The following GRM7 variants were observed in gnomAD, a reference collection of about 807,000 sequenced individuals.
The protein encoded by GRM7 is metabotropic glutamate receptor 7.
A neutral mutation model predicts 84.5 loss-of-function variants in GRM7; 35 were observed. The observed-to-expected ratio is 0.41, with a 90% confidence interval of 0.32 to 0.55. The LOEUF (loss-of-function observed/expected upper bound fraction) is 0.55. Ranked by LOEUF, GRM7 falls within the 20% of genes least tolerant of loss-of-function variation. GRM7 has a pLI of 0.19. For missense variants in GRM7, 1,003 were observed against 1,194.6 expected, an observed-to-expected ratio of 0.84 and a Z score of 2.36; for synonymous variants, 487 against 455.1, an observed-to-expected ratio of 1.07 and a Z score of -0.89.
chr3:6,945,489 T>A (rs1698037735), intron 1 of GRM7, among the ~76,000 whole-genome samples: 1 of 152,134 alleles, frequency 6.6e-6, no homozygotes, highest in South Asian at 2.1e-4. Flanking sequence ...TGGTTCCAAG[T>A]CTTTGCTCTT....
intron 6 of GRM7, among the ~76,000 whole-genome samples, chr3:7,460,292 C>T (rs1486278803): frequency 6.6e-6 from 1 of 152,062 alleles, no homozygotes; most frequent in Non-Finnish European, 1.5e-5. Context: ...CCAGACTTAA[C>T]AATGCTTTCA....
intron 7 of GRM7, among the ~76,000 whole-genome samples, chr3:7,543,904 G>A (rs758393221): frequency 3.3e-5 from 5 of 152,172 alleles, no homozygotes; most frequent in Non-Finnish European, 7.3e-5. Context: ...AGCTGAGTCT[G>A]AGCGTACTCC....
chr3:7,484,546 T>A (rs1699251454), intron 7 of GRM7, among the ~76,000 whole-genome samples: 1 of 152,132 alleles, frequency 6.6e-6, no homozygotes, highest in African/African-American at 2.4e-5. Context: ...AACCCCTGAT[T>A]GTAAAGATAA....
chr3:7,566,103 GTTTTTTTTTTTTTTTTT>G (rs58178956), intron 7 of GRM7, among the ~76,000 whole-genome samples: 1 of 130,024 alleles, frequency 7.7e-6, no homozygotes, highest in East Asian at 2.1e-4. Flanking sequence ...TGAATCAGCT[GTTTTTTTTTTTTTTTTT>G]TTTTTTTTTT....
intron 1 of GRM7, among the ~76,000 whole-genome samples, chr3:7,081,190 T>C (rs967581751): frequency 6.6e-6 from 1 of 152,074 alleles, no homozygotes; most frequent in East Asian, 1.9e-4. Flanking sequence ...TCAGATACTG[T>C]TTTTTATAAA....
chr3:7,189,815 G>A (rs1237131207), intron 2 of GRM7, among the ~76,000 whole-genome samples: 1 of 152,020 alleles, frequency 6.6e-6, no homozygotes, highest in East Asian at 1.9e-4. Flanking sequence ...CAAACATAAA[G>A]CATCATAGAG....
intron 7 of GRM7, among the ~76,000 whole-genome samples, chr3:7,464,486 A>G (rs758343930): frequency 4.6e-5 from 7 of 152,162 alleles, no homozygotes; most frequent in Non-Finnish European, 4.4e-5. Context: ...CATTACAAAG[A>G]GAGATAAGAG....
intron 2 of GRM7, among the ~76,000 whole-genome samples, chr3:7,172,758 A>G (rs1180524511): frequency 2.0e-5 from 3 of 152,086 alleles, no homozygotes; most frequent in Non-Finnish European, 4.4e-5. Flanking sequence ...CAGTGGTCCC[A>G]TGAAACTGAA....
chr3:7,385,945 A>C lies in GRM7; in HGVS notation c.1034-29078A>C, dbSNP rs557833874. Among the ~76,000 whole-genome samples, 5 of 152,344 alleles carry C rather than the reference A, an allele frequency of 3.3e-5. No homozygotes were observed. In the South Asian group the frequency reaches 1.0e-3, roughly 32 times the overall value. The stretch of plus-strand genomic sequence containing the variant: ...TAGGAATGATGCTTCATACTGAAAC[A>C]AAGTGTTGACCAAGAGATGCAAAGC... On this transcript the variant is annotated intron_variant, in intron 4 of 9. Coordinates refer to ENST00000357716, the MANE Select transcript of GRM7 (RefSeq NM_000844.4).
rs550048246 is a variant in GRM7, at chr3:7,061,694, G to C, written c.520-84758G>C. ...CTGGGTACCAGATAGGATAAGCAAGGACTGACAGGAGAGTAAGAACAGAAG... is the reference window on the plus strand; with the variant it reads ...CTGGGTACCAGATAGGATAAGCAAGCACTGACAGGAGAGTAAGAACAGAAG... On this transcript the variant is annotated intron_variant, in intron 1 of 9. Coordinates refer to ENST00000357716, the MANE Select transcript of GRM7 (RefSeq NM_000844.4). Among the ~76,000 whole-genome samples the C allele has an allele frequency of 2.6e-5, 4 of 151,760 alleles. No individual in the cohort carries two copies. The South Asian group carries it at 8.3e-4, about 31-fold the overall frequency.
chr3:7,079,639 T>C (rs2124995522), intron 1 of GRM7, among the ~76,000 whole-genome samples: 1 of 152,042 alleles, frequency 6.6e-6, no homozygotes, highest in East Asian at 1.9e-4. Context: ...AGGACTGGAG[T>C]GGGCAGAATA....
chr3:7,697,982 T>C (rs1701082725), intron 9 of GRM7, among the ~76,000 whole-genome samples: 1 of 152,204 alleles, frequency 6.6e-6, no homozygotes, highest in African/African-American at 2.4e-5. Context: ...ATATTAAGTC[T>C]GAAAAGAAAG....
intron 2 of GRM7, among the ~76,000 whole-genome samples, chr3:7,164,683 A>G (rs751062823): frequency 3.9e-5 from 6 of 152,250 alleles, no homozygotes; most frequent in African/African-American, 4.8e-5. Flanking sequence ...ACTAATCTAA[A>G]TATAAAGTAA....
At chr3:7,358,442 CTAA>C (rs1693508018) in intron 4 of GRM7, among the ~76,000 whole-genome samples, 1 of 127,298 alleles carries the variant, frequency 7.9e-6, no homozygotes, top group South Asian at 2.2e-4. Context: ...CCAGAATTTC[CTAA>C]TAATATTTCA....
rs535043814 is a variant in GRM7, at chr3:7,408,843, C to T, written c.1034-6180C>T. Among the ~76,000 whole-genome samples the T allele has an allele frequency of 8.5e-5, 13 of 152,298 alleles. No homozygotes were observed. In the South Asian group the frequency reaches 2.1e-3, roughly 24 times the overall value. On this transcript the variant is annotated intron_variant, in intron 4 of 9. Coordinates refer to ENST00000357716, the MANE Select transcript of GRM7 (RefSeq NM_000844.4). Reference sequence around the variant, plus strand: ...CAAATGCACTTGCTGTGGTTGAATCCATGCAGTGCTTCCTCATATTTCTTG... The same window carrying T: ...CAAATGCACTTGCTGTGGTTGAATCTATGCAGTGCTTCCTCATATTTCTTG...
chr3:7,574,635 G>A (rs1249203100), intron 7 of GRM7, among the ~76,000 whole-genome samples: 1 of 152,216 alleles, frequency 6.6e-6, no homozygotes, highest in Non-Finnish European at 1.5e-5. Context: ...TGACGTACTT[G>A]CATCCTTGAA....
At chr3:7,659,575 C>A (rs938717729) in intron 8 of GRM7, among the ~76,000 whole-genome samples, 3 of 152,120 alleles carry the variant, frequency 2.0e-5, no homozygotes, top group Admixed American at 2.0e-4. Flanking sequence ...AAAGTAATCA[C>A]CCATTGGAAG....
chr3:7,727,310 C>G (rs1702163316), intron 9 of GRM7, among the ~76,000 whole-genome samples: 1 of 151,960 alleles, frequency 6.6e-6, no homozygotes, highest in African/African-American at 2.4e-5. Flanking sequence ...TAACAGGGTC[C>G]TTTTTTCACA....
At chr3:7,138,902 G>A (rs1693854255) in intron 1 of GRM7, among the ~76,000 whole-genome samples, 1 of 150,928 alleles carries the variant, frequency 6.6e-6, no homozygotes, top group African/African-American at 2.4e-5. Context: ...TGCTCATTAA[G>A]ACCCAAAAAG....
Sources: gnomAD v4.1 joint callset for allele counts (sites outside exome capture counted in the v4.1 genomes callset) on GRCh38, gnomAD v4.1.1 for gene constraint, MANE v1.5 for transcripts, NCBI Gene and HGNC (gene_info 2026-07-23, HGNC 2026-07-21) for gene names.